The following RYR3 variants were observed in gnomAD, a reference collection of about 807,000 sequenced individuals.
The protein encoded by RYR3 is ryanodine receptor 3, also known as brain ryanodine receptor-calcium release channel.
RYR3 carries 207 observed loss-of-function variants against 584.3 expected under a neutral mutation model. The ratio of observed to expected loss-of-function variants is 0.35; its 90% CI spans 0.32 to 0.40. The LOEUF (loss-of-function observed/expected upper bound fraction) is 0.40. RYR3 is among the 10% of genes least tolerant of loss of function. The pLI is 1.00. For missense variants in RYR3, 5,616 were observed against 6,089.2 expected (o/e 0.92, Z 2.59); for synonymous variants, 2,416 against 2,248.5 (o/e 1.07, Z -2.11).
chr15:33,612,196 G>T (rs2060228512), intron 18 of RYR3, among the ~76,000 whole-genome samples: 1 of 152,148 alleles, frequency 6.6e-6, no homozygotes, highest in Non-Finnish European at 1.5e-5. Flanking sequence ...GCAGAGAGGT[G>T]ATTTTCCTCA....
chr15:33,410,844 A>C (rs1345346684), intron 1 of RYR3, among the ~76,000 whole-genome samples: 1 of 152,230 alleles, frequency 6.6e-6, no homozygotes, highest in African/African-American at 2.4e-5. Context: ...ACAGTTCCAC[A>C]TGGCTGGGGA....
intron 38 of RYR3, among the ~76,000 whole-genome samples, chr15:33,680,486 C>A (rs986657169): frequency 4.6e-5 from 7 of 152,182 alleles, no homozygotes; most frequent in African/African-American, 7.2e-5. Flanking sequence ...AAGATGGTGG[C>A]TGCAGTTCTG....
chr15:33,679,209 A>G (rs2064409447), intron 38 of RYR3, among the ~76,000 whole-genome samples: 1 of 122,150 alleles, frequency 8.2e-6, no homozygotes, highest in African/African-American at 3.2e-5. Flanking sequence ...TTATTGCATC[A>G]CCTGACCCCT....
intron 12 of RYR3, among the ~76,000 whole-genome samples, chr15:33,574,408 C>T (rs576941118): frequency 2.6e-5 from 4 of 152,178 alleles, no homozygotes; most frequent in South Asian, 2.1e-4. Flanking sequence ...TTCATACTGC[C>T]GAGCCTTCAT....
At chr15:33,364,654 A>G (rs1334936612) in intron 1 of RYR3, among the ~76,000 whole-genome samples, 1 of 152,232 alleles carries the variant, frequency 6.6e-6, no homozygotes, top group Non-Finnish European at 1.5e-5. Context: ...GTCATCTCCT[A>G]AGATATAGAA....
chr15:33,762,599 G>A (rs2072585573), intron 60 of RYR3, among the ~76,000 whole-genome samples: 1 of 152,110 alleles, frequency 6.6e-6, no homozygotes, highest in Non-Finnish European at 1.5e-5. Flanking sequence ...ATAAACCACT[G>A]CCCAAGAAAA....
chr15:33,406,140 G>A (rs1471336691), intron 1 of RYR3, among the ~76,000 whole-genome samples: 1 of 152,142 alleles, frequency 6.6e-6, no homozygotes, highest in Admixed American at 6.6e-5. Context: ...TAGGGAGGTG[G>A]GAGGGAAGGG....
intron 1 of RYR3, among the ~76,000 whole-genome samples, chr15:33,370,169 G>C (rs28714380): frequency 0.013 from 1,916 of 152,254 alleles, 51 homozygotes; most frequent in African/African-American, 0.044. Flanking sequence ...GGAACTGAAG[G>C]CTTTTCCTTC....
In RYR3 at chr15:33,831,068, A is replaced by G; in HGVS notation, c.11440A>G (p.Asn3814Asp). 8.7e-6 allele frequency: 14 copies of G among 1,613,598 alleles called. No individual in the cohort carries two copies. The highest frequency in any genetic ancestry group is 1.0e-5 in the Non-Finnish European group (12 of 1,179,818). The change falls in exon 86 of 104, where the codon AAT becomes GAT. Residue 3814 changes from asparagine (N) to aspartate (D), a missense_variant. Asn to Asp is a conservative substitution (Grantham distance 23). This residue lies in a region of RYR3 where 954 missense variants were observed against 1,132.2 expected (regional missense o/e 0.84). Transcript: ENST00000634891. ...TCTGGCAGTCACCAAGCAGATTTTC[A>G]ATTCTCTTACAGAATACATCCAGGT... ...KALAVTKQIF[N>D]SLTEYIQGPC...
At chr15:33,791,851 C>A (rs1290487545) in intron 67 of RYR3, among the ~76,000 whole-genome samples, 1 of 151,982 alleles carries the variant, frequency 6.6e-6, no homozygotes, top group African/African-American at 2.4e-5. Context: ...AAATAGAAAG[C>A]CTAATGTGCT....
chr15:33,502,725 T>A (rs1429321567), intron 2 of RYR3, among the ~76,000 whole-genome samples: 1 of 152,230 alleles, frequency 6.6e-6, no homozygotes, highest in Non-Finnish European at 1.5e-5. Flanking sequence ...GCAGGAACAG[T>A]GTAGGGTTAA....
In RYR3 at chr15:33,753,884, G is replaced by C. The variant is rs139848287; in HGVS notation, c.8400-1181G>C. On this transcript the variant is annotated intron_variant, in intron 57 of 103. Transcript: ENST00000634891. ...CAGCAATGAAAAATTCCCGTTTACT[G>C]TAATGATAAAGGAAGTCAAGGAAAT... Among the ~76,000 whole-genome samples, 721 of 152,254 alleles carry C rather than the reference G, an allele frequency of 4.7e-3. 9 individuals are homozygous for C. The highest frequency in any genetic ancestry group is 0.017 in the African/African-American group (700 of 41,538).
At chr15:33,424,018 G>C (rs1399887688) in intron 1 of RYR3, among the ~76,000 whole-genome samples, 1 of 152,094 alleles carries the variant, frequency 6.6e-6, no homozygotes. Context: ...TCCTTGCCCT[G>C]GTTCAGATGT....
At chr15:33,858,861 G>C (rs1209347801) in intron 99 of RYR3, 2 of 152,316 alleles carry the variant, frequency 1.3e-5, no homozygotes, top group East Asian at 1.9e-4. Context: ...CTCCATAAAA[G>C]AGGTAACACT....
chr15:33,514,827 C>T (rs1484124001), intron 3 of RYR3, among the ~76,000 whole-genome samples: 1 of 151,812 alleles, frequency 6.6e-6, no homozygotes, highest in African/African-American at 2.4e-5. Flanking sequence ...CGGTGAAACC[C>T]CATCTCTACT....
At chr15:33,629,911 A>G (rs751648981) in intron 21 of RYR3, 29 bp from the exon 22 acceptor site, 1 of 1,350,392 alleles carries the variant, frequency 7.4e-7, no homozygotes, top group East Asian at 2.4e-5. Flanking sequence ...CAAAACTTAA[A>G]TCACATTCTT....
At chr15:33,840,563 T>C in intron 89 of RYR3, 1 of 506,194 alleles carries the variant, frequency 2.0e-6, no homozygotes, top group East Asian at 3.4e-5. Context: ...GCTCTTACAA[T>C]GTCCTAACAC....
At chr15:33,362,695 T>C (rs772490622) in intron 1 of RYR3, among the ~76,000 whole-genome samples, 2 of 152,176 alleles carry the variant, frequency 1.3e-5, no homozygotes, top group Non-Finnish European at 2.9e-5. Context: ...TTCTCTCCCA[T>C]GCTTTTCCAC....
intron 86 of RYR3, among the ~76,000 whole-genome samples, chr15:33,832,638 C>G (rs1366669815): frequency 7.4e-6 from 1 of 135,674 alleles, no homozygotes; most frequent in African/African-American, 2.8e-5. Context: ...GCATGGGTGA[C>G]AGAGCGAGAC....
Sources: gnomAD v4.1 joint callset for allele counts (sites outside exome capture counted in the v4.1 genomes callset) on GRCh38, gnomAD v4.1.1 for gene constraint, gnomAD v4.1.1 regional missense constraint, MANE v1.5 for transcripts, NCBI Gene and HGNC (gene_info 2026-07-23, HGNC 2026-07-21) for gene names.